C8orf34: variants seen among roughly 807,000 people sequenced by gnomAD.
The protein encoded by C8orf34 is chromosome 8 open reading frame 34, also known as uncharacterized protein C8orf34.
A neutral mutation model predicts 68.3 loss-of-function variants in C8orf34; 65 were observed. The observed-to-expected ratio is 0.95, with a 90% CI of 0.78 to 1.17. The LOEUF (loss-of-function observed/expected upper bound fraction) is 1.17. C8orf34 is among the 50% of genes most tolerant of loss of function. The probability of loss-of-function intolerance (pLI) is 0.00; values close to 1 mark genes in which losing one functional copy is unlikely to be tolerated. For synonymous variants in C8orf34, 244 were observed against 241.2 expected, an observed-to-expected ratio of 1.01 and a Z score of -0.11; for missense variants, 664 against 655.4, an observed-to-expected ratio of 1.01 and a Z score of -0.14.
intron 8 of C8orf34, among the ~76,000 whole-genome samples, chr8:68,645,853 G>A (rs545676642): frequency 1.3e-4 from 20 of 152,080 alleles, no homozygotes; most frequent in Middle Eastern, 3.4e-3. Context: ...CTACTCATAG[G>A]GTTATAGGGA....
chr8:68,599,358 G>A (rs930112004), intron 7 of C8orf34, among the ~76,000 whole-genome samples: 1 of 152,002 alleles, frequency 6.6e-6, no homozygotes, highest in Non-Finnish European at 1.5e-5. Flanking sequence ...ATGCTAAGGA[G>A]TTGCTAAAAT....
chr8:68,699,820 A>T (rs899595114), intron 8 of C8orf34, among the ~76,000 whole-genome samples: 4 of 152,154 alleles, frequency 2.6e-5, no homozygotes, highest in African/African-American at 9.6e-5. Flanking sequence ...GCCACCATGC[A>T]TATATAAAAG....
intron 5 of C8orf34, among the ~76,000 whole-genome samples, chr8:68,516,649 T>TATTTA (rs11446345): frequency 8.6e-6 from 1 of 116,286 alleles, no homozygotes; most frequent in African/African-American, 5.8e-5. Context: ...TTTATTTATT[T>TATTTA]TTTATTTATT....
chr8:68,377,742 T>C (rs2129620051), intron 1 of C8orf34, among the ~76,000 whole-genome samples: 2 of 152,326 alleles, frequency 1.3e-5, no homozygotes, highest in Middle Eastern at 6.8e-3. Context: ...AGCAGTTTAT[T>C]AGTTTGTTCT....
In C8orf34 at chr8:68,463,952, C is replaced by G. The variant is rs989900644; in HGVS notation, c.608-4740C>G. On this transcript the variant is annotated intron_variant, in intron 3 of 13. Coordinates refer to ENST00000518698, the MANE Select transcript of C8orf34 (RefSeq NM_052958.4). ...GGAAGTTCTGGCCAGGGCAATTAGG[C>G]AGGAGAAGGAAATAAAGGGTATTCA... 3.9e-5 allele frequency among the ~76,000 whole-genome samples: 6 copies of G among 152,064 alleles called. No homozygotes were observed. The East Asian group carries it at 1.2e-3, about 29-fold the overall frequency.
chr8:68,812,339 C>T (rs1393928801), intron 12 of C8orf34, among the ~76,000 whole-genome samples: 3 of 152,140 alleles, frequency 2.0e-5, no homozygotes, highest in Non-Finnish European at 4.4e-5. Flanking sequence ...CTGTTCAAAG[C>T]ATGCTGCCAA....
At chr8:68,774,331 G>GTATATATATATATATATATA (rs550713780) in intron 10 of C8orf34, among the ~76,000 whole-genome samples, 18 of 108,936 alleles carry the variant, frequency 1.7e-4, no homozygotes, top group African/African-American at 6.6e-4. Flanking sequence ...GGGTGTGTGT[G>GTATATATATATATATATATA]TATATATATA....
chr8:68,507,918 T>C (rs1814095696), intron 5 of C8orf34, among the ~76,000 whole-genome samples: 1 of 152,220 alleles, frequency 6.6e-6, no homozygotes, highest in African/African-American at 2.4e-5. Flanking sequence ...TTAGGTGTTG[T>C]GAAACACCTT....
chr8:68,466,697 A>G (rs917816509), intron 3 of C8orf34, among the ~76,000 whole-genome samples: 2 of 148,378 alleles, frequency 1.3e-5, no homozygotes, highest in African/African-American at 5.0e-5. Flanking sequence ...TGCTAAAATA[A>G]ACAAAGTCTT....
At chr8:68,510,787 T>C (rs1016235234) in intron 5 of C8orf34, among the ~76,000 whole-genome samples, 1 of 152,182 alleles carries the variant, frequency 6.6e-6, no homozygotes, top group Non-Finnish European at 1.5e-5. Context: ...CCCCAAGGAA[T>C]CTCAGATAAG....
Position 68,713,281 on chromosome 8 carries a change from A to T in C8orf34, c.1327+4202A>T, listed in dbSNP as rs549844218. 7.8e-4 allele frequency among the ~76,000 whole-genome samples: 118 copies of T among 152,242 alleles called. 1 individual carries two copies. Among genetic ancestry groups the T allele is most frequent in the African/African-American group, 2.7e-3 (114 of 41,560 alleles). On this transcript the variant is annotated intron_variant, in intron 9 of 13. Transcript: ENST00000518698. ...TCCTACCTCCTGGAACTGGAGAAAC[A>T]AGAACTATCCATCCCAGAAGAAGAA...
intron 1 of C8orf34, among the ~76,000 whole-genome samples, chr8:68,407,064 G>T (rs1403449831): frequency 6.6e-6 from 1 of 152,122 alleles, no homozygotes; most frequent in Admixed American, 6.6e-5. Flanking sequence ...TCTACATAGA[G>T]GAATCATACC....
intron 8 of C8orf34, among the ~76,000 whole-genome samples, chr8:68,698,464 G>C (rs1820897933): frequency 6.6e-6 from 1 of 152,040 alleles, no homozygotes; most frequent in Non-Finnish European, 1.5e-5. Context: ...CAGAGAGAAG[G>C]AGAGAGACTG....
chr8:68,502,211 G>A (rs1041996818), intron 5 of C8orf34, among the ~76,000 whole-genome samples: 3 of 152,050 alleles, frequency 2.0e-5, no homozygotes, highest in African/African-American at 7.2e-5. Context: ...GATTACAGGC[G>A]CACGCCACCA....
chr8:68,560,087 T>G (rs1816374989), intron 7 of C8orf34, among the ~76,000 whole-genome samples: 1 of 151,668 alleles, frequency 6.6e-6, no homozygotes, highest in South Asian at 2.1e-4. Flanking sequence ...TTAAATGGTT[T>G]GGAAATCAGT....
intron 7 of C8orf34, among the ~76,000 whole-genome samples, chr8:68,536,055 C>A (rs1243257006): frequency 6.6e-6 from 1 of 151,396 alleles, no homozygotes; most frequent in African/African-American, 2.4e-5. Flanking sequence ...AAATGATTTT[C>A]AAAAATGGAA....
chr8:68,338,502 CT>C (rs1805943227), intron 1 of C8orf34, among the ~76,000 whole-genome samples: 1 of 152,130 alleles, frequency 6.6e-6, no homozygotes, highest in South Asian at 2.1e-4. Flanking sequence ...GACTGATCTC[CT>C]TTTTGTCACT....
chr8:68,421,630 G>C (rs1425891720), intron 1 of C8orf34, among the ~76,000 whole-genome samples: 1 of 152,120 alleles, frequency 6.6e-6, no homozygotes, highest in Non-Finnish European at 1.5e-5. Context: ...ACTGGTGGGT[G>C]GTCTGATGTT....
At chr8:68,343,835 G>T (rs758463589) in intron 1 of C8orf34, among the ~76,000 whole-genome samples, 1 of 151,788 alleles carries the variant, frequency 6.6e-6, no homozygotes, top group Admixed American at 6.6e-5. Context: ...CTCATGATCC[G>T]CCTGCCTTGG....
Sources: gnomAD v4.1 joint callset for allele counts (sites outside exome capture counted in the v4.1 genomes callset) on GRCh38, gnomAD v4.1.1 for gene constraint, MANE v1.5 for transcripts, NCBI Gene and HGNC (gene_info 2026-07-23, HGNC 2026-07-21) for gene names.